Variants in NRG4 observed in about 807,000 individuals in gnomAD.
The protein encoded by NRG4 is neuregulin 4.
Under a neutral mutation model 15.0 loss-of-function variants are expected in NRG4, and 10 were observed. The ratio of observed to expected loss-of-function variants is 0.67; its 90% CI spans 0.41 to 1.13. The LOEUF is 1.13. NRG4 is among the 50% of genes most tolerant of loss of function. The probability of loss-of-function intolerance (pLI) is 0.00; values close to 1 mark genes in which losing one functional copy is unlikely to be tolerated. For synonymous variants in NRG4, 41 were observed against 50.1 expected (o/e 0.82, Z 0.77); for missense variants, 139 against 140.2 (o/e 0.99, Z 0.04).
intron 2 of NRG4, among the ~76,000 whole-genome samples, chr15:76,056,524 G>C (rs2036156649): frequency 6.6e-6 from 1 of 151,834 alleles, no homozygotes; most frequent in African/African-American, 2.4e-5. Context: ...CTTAGATATT[G>C]TATGTACTCA....
intron 2 of NRG4, among the ~76,000 whole-genome samples, chr15:76,054,401 TTTTTGTTTTG>T (rs758115728): frequency 3.9e-5 from 6 of 151,906 alleles, no homozygotes; most frequent in Non-Finnish European, 7.4e-5. Context: ...AGAGGGATCA[TTTTTGTTTTG>T]TTTTGTTTTG....
downstream of NRG4, chr15:75,940,689 A>T (rs1478601765): frequency 6.6e-6 from 1 of 152,136 alleles, no homozygotes; most frequent in African/African-American, 2.4e-5. Flanking sequence ...AAACCCTCTC[A>T]TATGTAGGTA....
chr15:76,007,249 C>G (rs61710441), intron 3 of NRG4, among the ~76,000 whole-genome samples: 2,873 of 152,026 alleles, frequency 0.019, 100 homozygotes, highest in African/African-American at 0.066. Context: ...GGTGAAAAGA[C>G]AGGAAACATA....
intron 4 of NRG4, among the ~76,000 whole-genome samples, chr15:76,046,537 A>G (rs1327942569): frequency 6.6e-6 from 1 of 151,272 alleles, no homozygotes; most frequent in Non-Finnish European, 1.5e-5. Flanking sequence ...GAGAATCCAG[A>G]TGTAAATCCA....
At chr15:76,039,053 T>G (rs1220614524) in intron 4 of NRG4, among the ~76,000 whole-genome samples, 5 of 152,230 alleles carry the variant, frequency 3.3e-5, no homozygotes, top group Non-Finnish European at 7.3e-5. Flanking sequence ...ATTACTGGGC[T>G]TGAGGTGCCC....
At chr15:76,055,688 G>A (rs991146399) in intron 2 of NRG4, among the ~76,000 whole-genome samples, 1 of 152,154 alleles carries the variant, frequency 6.6e-6, no homozygotes, top group Non-Finnish European at 1.5e-5. Flanking sequence ...CTGATTTGAA[G>A]TTTAAATTCA....
intron 3 of NRG4, among the ~76,000 whole-genome samples, chr15:75,995,985 T>C (rs1225972782): frequency 1.3e-5 from 2 of 152,238 alleles, no homozygotes; most frequent in Admixed American, 6.5e-5. Flanking sequence ...TTTCATATTA[T>C]ATAATTCTTG....
chr15:75,964,165 A>G (rs902081943), intron 3 of NRG4, among the ~76,000 whole-genome samples: 5 of 152,140 alleles, frequency 3.3e-5, no homozygotes, highest in Non-Finnish European at 5.9e-5. Flanking sequence ...ACACACACAC[A>G]CACGCACCAA....
At chr15:76,056,081 C>T (rs1335064965) in intron 2 of NRG4, among the ~76,000 whole-genome samples, 1 of 152,192 alleles carries the variant, frequency 6.6e-6, no homozygotes, top group Non-Finnish European at 1.5e-5. Context: ...ACACAGACTG[C>T]ATGCACATGA....
chr15:75,955,326 C>A (rs1225422791), intron 5 of NRG4, among the ~76,000 whole-genome samples: 1 of 152,178 alleles, frequency 6.6e-6, no homozygotes, highest in African/African-American at 2.4e-5. Context: ...CCTGGAAATT[C>A]TCTCCAGGCA....
At chr15:75,939,688 C>T (rs914160050), downstream of NRG4, 1 of 152,088 alleles carries the variant, frequency 6.6e-6, no homozygotes, top group Non-Finnish European at 1.5e-5. Context: ...TTGTACACCA[C>T]GACCAAATGG....
chr15:76,047,589 G>A (rs975385128), intron 4 of NRG4, among the ~76,000 whole-genome samples: 2 of 150,638 alleles, frequency 1.3e-5, no homozygotes, highest in Non-Finnish European at 2.9e-5. Flanking sequence ...AAGACAGAGA[G>A]TAGAATGGTG....
upstream of NRG4, among the ~76,000 whole-genome samples, chr15:76,017,155 C>CTTTTTTTTTT (rs66838505): frequency 7.6e-5 from 4 of 52,320 alleles, no homozygotes; most frequent in Non-Finnish European, 1.2e-4. Flanking sequence ...CAACCCCTGC[C>CTTTTTTTTTT]TTTTTTTTTT....
intron 5 of NRG4, among the ~76,000 whole-genome samples, chr15:75,952,444 A>G (rs1447497408): frequency 6.6e-6 from 1 of 152,244 alleles, no homozygotes; most frequent in Admixed American, 6.5e-5. Context: ...ATAATATTCC[A>G]TAGTAGGAAT....
chr15:75,992,770 G>A (rs1452563524), intron 3 of NRG4, among the ~76,000 whole-genome samples: 1 of 152,076 alleles, frequency 6.6e-6, no homozygotes, highest in Non-Finnish European at 1.5e-5. Flanking sequence ...CACATTTGGG[G>A]TTATTTTGCA....
At chr15:76,017,155 C>CTTTTTTTTTTTTT (rs66838505), upstream of NRG4, among the ~76,000 whole-genome samples, 16 of 52,326 alleles carry the variant, frequency 3.1e-4, no homozygotes, top group East Asian at 1.8e-3. Context: ...CAACCCCTGC[C>CTTTTTTTTTTTTT]TTTTTTTTTT....
chr15:76,010,338 T>A (rs2034763502), intron 2 of NRG4, among the ~76,000 whole-genome samples: 2 of 152,108 alleles, frequency 1.3e-5, no homozygotes, highest in South Asian at 4.1e-4. Flanking sequence ...GAAAATGGCA[T>A]TACTCTCCCA....
chr15:76,016,033 TG>T (rs776007751), upstream of NRG4, among the ~76,000 whole-genome samples: 1 of 152,236 alleles, frequency 6.6e-6, no homozygotes, highest in Non-Finnish European at 1.5e-5. Context: ...AACTTGTTAT[TG>T]GTCTATTCAG....
At chr15:76,057,546 A>C (rs1165429286) in intron 1 of NRG4, among the ~76,000 whole-genome samples, 4 of 152,110 alleles carry the variant, frequency 2.6e-5, no homozygotes, top group African/African-American at 7.2e-5. Context: ...TCTCGTCCAC[A>C]CTTAAGTTTT....
Sources: gnomAD v4.1 joint callset for allele counts (sites outside exome capture counted in the v4.1 genomes callset) on GRCh38, gnomAD v4.1.1 for gene constraint, MANE v1.5 for transcripts, NCBI Gene and HGNC (gene_info 2026-07-23, HGNC 2026-07-21) for gene names.